The following SDK1 variants were observed in gnomAD, a reference collection of about 807,000 sequenced individuals.
SDK1 encodes the protein sidekick cell adhesion molecule 1.
In SDK1, 157 loss-of-function variants were observed where a neutral mutation model predicts 245.5. The ratio of observed to expected loss-of-function variants is 0.64; its 90% CI spans 0.56 to 0.73. The LOEUF is 0.73. Among genes scored for constraint, SDK1 ranks in the 30% least tolerant of loss-of-function variants. The pLI, the probability that SDK1 is intolerant of heterozygous loss-of-function variation, is 0.00. For synonymous variants in SDK1, 1,647 were observed against 1,278.5 expected (o/e 1.29, Z -6.15); for missense variants, 3,583 against 3,002.3 (o/e 1.19, Z -4.52).
chr7:4,191,478 A>G (rs951789316), intron 35 of SDK1, among the ~76,000 whole-genome samples: 20 of 152,348 alleles, frequency 1.3e-4, no homozygotes, highest in African/African-American at 4.8e-4. Flanking sequence ...TTCACTCCTT[A>G]GCCAGCTTCT....
intron 1 of SDK1, among the ~76,000 whole-genome samples, chr7:3,597,164 C>A (rs1044677230): frequency 6.7e-6 from 1 of 150,270 alleles, no homozygotes; most frequent in Non-Finnish European, 1.5e-5. Flanking sequence ...CCCAGCTACT[C>A]AGGAGGCCGA....
chr7:3,597,674 C>T (rs1379719360), intron 1 of SDK1, among the ~76,000 whole-genome samples: 2 of 152,106 alleles, frequency 1.3e-5, no homozygotes, highest in African/African-American at 4.8e-5. Flanking sequence ...TTGGTTTGGT[C>T]TGGTCTGTCG....
chr7:3,985,294 A>G (rs1265537803), intron 13 of SDK1, among the ~76,000 whole-genome samples: 1 of 152,204 alleles, frequency 6.6e-6, no homozygotes, highest in Non-Finnish European at 1.5e-5. Flanking sequence ...ATGATAAACC[A>G]TCTTATTTGG....
chr7:3,530,558 A>G (rs1783307480), intron 1 of SDK1, among the ~76,000 whole-genome samples: 1 of 152,256 alleles, frequency 6.6e-6, no homozygotes, highest in African/African-American at 2.4e-5. Flanking sequence ...AGAAAAATAT[A>G]TTGATAGAAT....
chr7:4,086,141 G>A (rs1467012115), intron 22 of SDK1, among the ~76,000 whole-genome samples: 1 of 151,984 alleles, frequency 6.6e-6, no homozygotes, highest in Non-Finnish European at 1.5e-5. Flanking sequence ...CTGTCTTCCG[G>A]TGACAGCACA....
chr7:3,952,143 C>T (rs1448308178), intron 7 of SDK1: 2 of 545,618 alleles, frequency 3.7e-6, no homozygotes, highest in East Asian at 3.3e-5. Flanking sequence ...AAGAAACGTC[C>T]TTCTGAATAC....
chr7:3,383,856 C>A (rs1483281788), intron 1 of SDK1, among the ~76,000 whole-genome samples: 3 of 152,262 alleles, frequency 2.0e-5, no homozygotes, highest in African/African-American at 7.2e-5. Flanking sequence ...GTAAATAGTG[C>A]CTTTAAAAAT....
intron 35 of SDK1, among the ~76,000 whole-genome samples, chr7:4,184,151 T>C (rs541037852): frequency 7.9e-5 from 12 of 152,326 alleles, no homozygotes; most frequent in Non-Finnish European, 1.6e-4. Context: ...AAGTAGGCCT[T>C]CAGAAGAGGA....
intron 17 of SDK1, among the ~76,000 whole-genome samples, chr7:4,046,655 C>T (rs1196083631): frequency 1.3e-5 from 2 of 152,180 alleles, no homozygotes. Flanking sequence ...AGCCCTTCTC[C>T]AGTAACACCC....
In SDK1 at chr7:3,778,560, A is replaced by G. The variant is rs185947615; in HGVS notation, c.714-42890A>G. ...CTGACCAGGCTGCCTGCACACATCT[A>G]TATTTTTACACTGACAGCATAAGTG... On this transcript the variant is annotated intron_variant, in intron 4 of 44. Transcript: ENST00000404826. Among the ~76,000 whole-genome samples, 155 of 152,328 alleles carry G rather than the reference A, an allele frequency of 1.0e-3. 1 individual carries two copies. The highest frequency in any genetic ancestry group is 3.4e-3 in the African/African-American group (140 of 41,582).
intron 38 of SDK1, among the ~76,000 whole-genome samples, chr7:4,211,351 A>T (rs1419720006): frequency 6.6e-6 from 1 of 152,100 alleles, no homozygotes; most frequent in Admixed American, 6.5e-5. Context: ...GGTGGCAGAG[A>T]TTCTGTAGAC....
intron 44 of SDK1, among the ~76,000 whole-genome samples, chr7:4,259,056 T>C (rs1027794002): frequency 2.0e-5 from 3 of 152,220 alleles, no homozygotes; most frequent in African/African-American, 7.2e-5. Flanking sequence ...TTCCTTCAGA[T>C]GATCTTTGTT....
chr7:3,458,937 G>A (rs573952468), intron 1 of SDK1, among the ~76,000 whole-genome samples: 10 of 152,224 alleles, frequency 6.6e-5, no homozygotes, highest in Admixed American at 2.6e-4. Flanking sequence ...GGATTGTCTT[G>A]ATCATTATTT....
intron 1 of SDK1, among the ~76,000 whole-genome samples, chr7:3,604,831 A>C (rs930412406): frequency 1.3e-5 from 2 of 150,806 alleles, no homozygotes; most frequent in South Asian, 2.1e-4. Context: ...TGAACTCCCA[A>C]CTTCTGGTGA....
intron 1 of SDK1, among the ~76,000 whole-genome samples, chr7:3,544,321 T>A (rs77638407): frequency 1.1e-3 from 161 of 152,346 alleles, no homozygotes; most frequent in African/African-American, 3.8e-3. Context: ...ACATATTTTG[T>A]CAGAGAAAGT....
intron 1 of SDK1, among the ~76,000 whole-genome samples, chr7:3,609,287 G>A (rs1438278975): frequency 6.6e-6 from 1 of 152,060 alleles, no homozygotes; most frequent in Non-Finnish European, 1.5e-5. Flanking sequence ...TTTGAGAACT[G>A]CTGCTCTTGA....
chr7:3,955,479 C>T (rs1468071253), intron 7 of SDK1, among the ~76,000 whole-genome samples: 1 of 152,178 alleles, frequency 6.6e-6, no homozygotes, highest in Non-Finnish European at 1.5e-5. Flanking sequence ...CCTGCAGAGT[C>T]CCTCTTGCCA....
intron 5 of SDK1, among the ~76,000 whole-genome samples, chr7:3,836,395 T>A (rs1424604271): frequency 6.6e-6 from 1 of 152,118 alleles, no homozygotes; most frequent in African/African-American, 2.4e-5. Context: ...TCAGTTTGAG[T>A]TGCTGTACAA....
intron 35 of SDK1, among the ~76,000 whole-genome samples, chr7:4,192,399 C>A (rs956034686): frequency 6.6e-6 from 1 of 152,192 alleles, no homozygotes; most frequent in Non-Finnish European, 1.5e-5. Context: ...CCTCAGCCTC[C>A]CAAGTAGCTG....
Sources: allele counts gnomAD v4.1 joint callset (sites outside exome capture counted in the v4.1 genomes callset), GRCh38; gene constraint gnomAD v4.1.1; transcripts MANE v1.5; gene names NCBI Gene and HGNC (gene_info 2026-07-23, HGNC 2026-07-21).